Variants in HMCN1 observed in about 807,000 individuals in gnomAD.
HMCN1 encodes hemicentin 1, also known as hemicentin-1.
A neutral mutation model predicts 625.9 loss-of-function variants in HMCN1; 321 were observed. That is an observed-to-expected ratio of 0.51 (90% confidence interval 0.47 to 0.56). HMCN1 has a LOEUF of 0.56. HMCN1 is among the 20% of genes least tolerant of loss of function. The pLI is 0.00. For missense variants in HMCN1, 6,588 were observed against 6,887.3 expected, an observed-to-expected ratio of 0.96 and a Z score of 1.54; for synonymous variants, 2,425 against 2,417.6, an observed-to-expected ratio of 1.00 and a Z score of -0.09.
intron 11 of HMCN1, among the ~76,000 whole-genome samples, chr1:185,946,219 A>G (rs958121085): frequency 6.6e-6 from 1 of 152,212 alleles, no homozygotes; most frequent in African/African-American, 2.4e-5. Flanking sequence ...ATCTATCAAC[A>G]TACGTTAAAG....
intron 4 of HMCN1, among the ~76,000 whole-genome samples, chr1:185,904,683 G>T (rs968116557): frequency 2.6e-5 from 4 of 151,808 alleles, no homozygotes; most frequent in Non-Finnish European, 5.9e-5. Context: ...ATGAACTTTG[G>T]CATGTATCAC....
intron 68 of HMCN1, among the ~76,000 whole-genome samples, chr1:186,100,251 T>G (rs1247927361): frequency 6.6e-6 from 1 of 152,162 alleles, no homozygotes. Context: ...AAAACTGGCT[T>G]AGAAGAAAGA....
intron 1 of HMCN1, among the ~76,000 whole-genome samples, chr1:185,829,570 C>A (rs1049043800): frequency 1.3e-5 from 2 of 152,070 alleles, no homozygotes; most frequent in Non-Finnish European, 2.9e-5. Flanking sequence ...CATCCATGTC[C>A]CTGCAAAGGA....
chr1:185,965,881 T>C lies in HMCN1; in HGVS notation c.2178T>C (p.Ser726=), dbSNP rs201416146. The change falls in exon 14 of 107, where the codon TCT becomes TCC. Residue 726 remains serine, a synonymous_variant. Coordinates refer to ENST00000271588, the MANE Select transcript of HMCN1 (RefSeq NM_031935.3). ...GDITVMECKT[S]GIPPPQVKWF... ...TAACCGTTATGGAATGCAAAACCTC[T>C]GGTATTCCTCCACCTCAAGTTAAAT... 3 of 1,607,054 alleles carry C rather than the reference T, an allele frequency of 1.9e-6. No individual in the cohort carries two copies. Among genetic ancestry groups the C allele is most frequent in the Middle Eastern group, 1.7e-4 (1 of 6,042 alleles).
At chr1:186,089,445 G>T (rs1025856045) in intron 63 of HMCN1, among the ~76,000 whole-genome samples, 2 of 151,930 alleles carry the variant, frequency 1.3e-5, no homozygotes. Context: ...TTACGTATCT[G>T]TTGTGTGCTC....
chr1:185,740,698 G>A (rs1301518215), intron 1 of HMCN1, among the ~76,000 whole-genome samples: 1 of 148,262 alleles, frequency 6.7e-6, no homozygotes, highest in African/African-American at 2.5e-5. Flanking sequence ...GTGGGGGGTA[G>A]GGGGATGGGG....
At chr1:185,892,446 C>T (rs1031511656) in intron 4 of HMCN1, among the ~76,000 whole-genome samples, 18 of 151,798 alleles carry the variant, frequency 1.2e-4, no homozygotes, top group African/African-American at 4.4e-4. Flanking sequence ...GTGGTTTTAT[C>T]TACTTTTGGT....
chr1:185,991,231 G>A (rs1248481901), intron 22 of HMCN1, among the ~76,000 whole-genome samples: 2 of 152,122 alleles, frequency 1.3e-5, no homozygotes, highest in Non-Finnish European at 2.9e-5. Context: ...ATATAATTAT[G>A]AAGATATAAA....
At chr1:185,877,580 T>C (rs1286654023) in intron 4 of HMCN1, among the ~76,000 whole-genome samples, 1 of 151,918 alleles carries the variant, frequency 6.6e-6, no homozygotes, top group Non-Finnish European at 1.5e-5. Context: ...CAATATTGAT[T>C]CTTCTAATCC....
At chr1:185,937,624 G>T (rs750612311) in intron 11 of HMCN1, among the ~76,000 whole-genome samples, 1 of 152,124 alleles carries the variant, frequency 6.6e-6, no homozygotes, top group South Asian at 2.1e-4. Context: ...GCTCACGCCT[G>T]TAATCCCAGC....
In HMCN1 at chr1:185,877,485, T is replaced by C. The variant is rs562940963; in HGVS notation, c.621+11622T>C. On this transcript the variant is annotated intron_variant, in intron 4 of 106. Transcript: ENST00000271588. ...TCAATATTAATTTCAGGATTTTTTT[T>C]CTAATTCTGTGAAAAACAACATTGG... Among the ~76,000 whole-genome samples the C allele has an allele frequency of 9.6e-4, 146 of 151,966 alleles. 1 individual carries two copies. Among genetic ancestry groups the C allele is most frequent in the African/African-American group, 3.4e-3 (141 of 41,496 alleles).
intron 1 of HMCN1, among the ~76,000 whole-genome samples, chr1:185,745,170 T>C (rs1017988700): frequency 6.6e-6 from 1 of 152,166 alleles, no homozygotes; most frequent in African/African-American, 2.4e-5. Context: ...TAAGTGCTGA[T>C]AGTAAGCTCC....
In HMCN1 at chr1:185,963,896, G is replaced by A; in HGVS notation, c.2098+1G>A. ...CAGAATTCTACTCTCAGATACATTG[G>A]CAAGTATAATCACTTTAAAAGGCAA... On this transcript the variant is annotated splice_donor_variant, in intron 13 of 106. Transcript: ENST00000271588. LOFTEE classifies it high-confidence loss of function. 6.2e-7 allele frequency: 1 copy of A among 1,610,968 alleles called. No individual in the cohort carries two copies. The highest frequency in any genetic ancestry group is 8.5e-7 in the Non-Finnish European group (1 of 1,177,568).
At position 186,065,257 on chromosome 1, in the gene HMCN1, T is replaced by C; in HGVS notation, c.7533T>C (p.Ile2511=). The C allele has an allele frequency of 6.2e-7, 1 of 1,612,194 alleles. No individual in the cohort carries two copies. Among genetic ancestry groups the C allele is most frequent in the Non-Finnish European group, 8.5e-7 (1 of 1,179,806 alleles). ...CEVTGNPVPE[I]TWHKDGQPLQ... The stretch of plus-strand genomic sequence containing the variant: ...TTACAGGGAATCCAGTGCCAGAAAT[T>C]ACATGGCACAAAGATGGGCAGCCCC... Residue 2511 remains isoleucine, a synonymous_variant, in exon 49 of 107, where the codon ATT becomes ATC. Transcript: ENST00000271588.
At chr1:186,070,932 A>G (rs1346440591) in intron 52 of HMCN1, among the ~76,000 whole-genome samples, 175 bp downstream of exon 52, 1 of 152,130 alleles carries the variant, frequency 6.6e-6, no homozygotes, top group Non-Finnish European at 1.5e-5. Flanking sequence ...AACCTGAAGG[A>G]TGTTCAACAA....
intron 56 of HMCN1, among the ~76,000 whole-genome samples, chr1:186,082,161 AG>A (rs779340991): frequency 5.9e-5 from 9 of 152,152 alleles, no homozygotes; most frequent in Admixed American, 2.6e-4. Context: ...CAAGTCCAAA[AG>A]ATATATAGTT....
intron 2 of HMCN1, among the ~76,000 whole-genome samples, chr1:185,847,793 G>GA (rs957088224): frequency 1.2e-4 from 18 of 150,874 alleles, no homozygotes; most frequent in African/African-American, 3.2e-4. Flanking sequence ...CTCTAAAAGA[G>GA]AAAAAAAAAT....
intron 72 of HMCN1, 84 bp from the exon 73 acceptor site, chr1:186,113,895 C>T: frequency 2.8e-6 from 4 of 1,444,596 alleles, no homozygotes; most frequent in Non-Finnish European, 3.9e-6. Flanking sequence ...ACTCGAAGCT[C>T]ATCTTATATT....
intron 69 of HMCN1, among the ~76,000 whole-genome samples, 166 bp from the exon 70 acceptor site, chr1:186,106,718 T>C (rs1660628717): frequency 6.6e-6 from 1 of 152,224 alleles, no homozygotes; most frequent in South Asian, 2.1e-4. Context: ...ATAATGTAGA[T>C]ACCAAACAAT....
Sources: allele counts gnomAD v4.1 joint callset (sites outside exome capture counted in the v4.1 genomes callset), GRCh38; gene constraint gnomAD v4.1.1; transcripts MANE v1.5; gene names NCBI Gene and HGNC (gene_info 2026-07-23, HGNC 2026-07-21).